Variants in ABCB5 observed in about 807,000 individuals in gnomAD.
ABCB5 encodes ATP binding cassette subfamily B member 5.
ABCB5 carries 155 observed loss-of-function variants against 144.2 expected under a neutral mutation model. That is an observed-to-expected ratio of 1.08 (90% CI 0.94 to 1.23). The LOEUF (loss-of-function observed/expected upper bound fraction) is 1.23. Among genes scored for constraint, ABCB5 ranks in the 50% most tolerant of loss-of-function variants. ABCB5 has a pLI of 0.00. For missense variants in ABCB5, 1,830 were observed against 1,520.8 expected (o/e 1.20, Z -3.38); for synonymous variants, 610 against 528.6 (o/e 1.15, Z -2.11).
intron 23 of ABCB5, 108 bp downstream of exon 23, chr7:20,728,563 G>T: frequency 7.8e-7 from 1 of 1,275,948 alleles, no homozygotes; most frequent in South Asian, 1.6e-5. Context: ...AGATCAGCCT[G>T]ACCAACATAA....
chr7:20,699,447 T>C (rs545060017), intron 17 of ABCB5, among the ~76,000 whole-genome samples: 69 of 152,350 alleles, frequency 4.5e-4, no homozygotes, highest in African/African-American at 1.6e-3. Flanking sequence ...ACGCCTGTAA[T>C]CCCAGCACTT....
chr7:20,721,338 C>T (rs1424612033), intron 20 of ABCB5, among the ~76,000 whole-genome samples: 1 of 152,058 alleles, frequency 6.6e-6, no homozygotes, highest in Non-Finnish European at 1.5e-5. Flanking sequence ...ATCTATTGTA[C>T]GGGACTAGTG....
chr7:20,719,739 A>C (rs562014663), intron 20 of ABCB5, among the ~76,000 whole-genome samples: 2 of 152,188 alleles, frequency 1.3e-5, no homozygotes, highest in Non-Finnish European at 2.9e-5. Context: ...CCATGGAGAG[A>C]TTAATCACAT....
At chr7:20,735,496 A>T (rs1295059961) in intron 23 of ABCB5, among the ~76,000 whole-genome samples, 1 of 152,214 alleles carries the variant, frequency 6.6e-6, no homozygotes, top group African/African-American at 2.4e-5. Context: ...ACACAAAACA[A>T]AGAAAACAGG....
rs375998363 is a variant in ABCB5 at position 20,629,778 on chromosome 7, G to T, written c.259+940G>T. ...ACTCCATCTCAAAGAAAAAAAAGAA[G>T]GAGAAGGAGAAGAAGAAGAAGAAGA... On this transcript the variant is annotated intron_variant, in intron 4 of 27. Transcript: ENST00000404938. 1.9e-4 allele frequency among the ~76,000 whole-genome samples: 28 copies of T among 150,276 alleles called. No homozygotes were observed. The Admixed American group carries it at 1.9e-3, about 10-fold the overall frequency.
chr7:20,651,218 T>C (rs75047349), intron 12 of ABCB5, among the ~76,000 whole-genome samples: 15,444 of 152,268 alleles, frequency 0.1, 946 homozygotes, highest in Non-Finnish European at 0.13. Context: ...AGGCCAATTA[T>C]TCTTTTGCAG....
chr7:20,651,544 G>A lies in ABCB5; in HGVS notation c.1457G>A (p.Arg486Gln), dbSNP rs151326874. The change falls in exon 13 of 28, where the codon CGA (arginine) becomes CAA (glutamine). Residue 486 changes from arginine (R) to glutamine (Q), a missense_variant. By Grantham distance (43) the Arg-to-Gln change is conservative (BLOSUM62 1). Coordinates refer to ENST00000404938, the MANE Select transcript of ABCB5 (RefSeq NM_001163941.2). Reference sequence around the variant, plus strand: ...ATCAGTAACAATATCAAGTATGGACGAGATGATGTGACTGATGAAGAGATG... The same window carrying A: ...ATCAGTAACAATATCAAGTATGGACAAGATGATGTGACTGATGAAGAGATG... ...TTISNNIKYGRDDVTDEEMER... is the reference protein window; with the variant it reads ...TTISNNIKYGQDDVTDEEMER... 4,488 of 1,614,062 alleles carry A rather than the reference G, an allele frequency of 2.8e-3. 8 individuals are homozygous for A. The highest frequency in any genetic ancestry group is 3.6e-3 in the Non-Finnish European group (4,189 of 1,179,992).
At chr7:20,695,215 A>G (rs1245109581) in intron 16 of ABCB5, among the ~76,000 whole-genome samples, 1 of 152,006 alleles carries the variant, frequency 6.6e-6, no homozygotes, top group African/African-American at 2.4e-5. Context: ...ATGGCATACA[A>G]ATAGACAAAT....
At chr7:20,669,175 A>G (rs1278140319) in intron 14 of ABCB5, among the ~76,000 whole-genome samples, 3 of 147,908 alleles carry the variant, frequency 2.0e-5, no homozygotes, top group African/African-American at 7.6e-5. Flanking sequence ...GGCCGCCCCT[A>G]CTGGGAAGTG....
At chr7:20,642,911 T>C (rs1408100527) in intron 5 of ABCB5, among the ~76,000 whole-genome samples, 1 of 152,192 alleles carries the variant, frequency 6.6e-6, no homozygotes, top group Non-Finnish European at 1.5e-5. Context: ...CTTTTTCATA[T>C]GAAAGTATTA....
chr7:20,667,910 A>G (rs1468349484), intron 14 of ABCB5, among the ~76,000 whole-genome samples: 34 of 137,174 alleles, frequency 2.5e-4, no homozygotes, highest in African/African-American at 8.9e-4. Context: ...TTTTTGGTGG[A>G]GACGGGGTTT....
In ABCB5 at chr7:20,634,238, T is replaced by TTGTGTGTGTGTG. The variant is rs10688708; in HGVS notation, c.314+2147_314+2158dup. On this transcript the variant is annotated intron_variant, in intron 5 of 27. Coordinates refer to ENST00000404938, the MANE Select transcript of ABCB5 (RefSeq NM_001163941.2). The stretch of plus-strand genomic sequence containing the variant: ...TTTTATGGCTGACTAGTATTCCATG[T>TTGTGTGTGTGTG]TGTGTGTGTGTGTGTGTGTGTGTGT... Among the ~76,000 whole-genome samples, 409 of 140,532 alleles carry TTGTGTGTGTGTG rather than the reference T, an allele frequency of 2.9e-3. 4 individuals carry two copies. The highest frequency in any genetic ancestry group is 0.01 in the African/African-American group (381 of 37,756). 92.2% of individuals were successfully genotyped at this position (140,532 alleles called of 152,430 possible).
chr7:20,673,497 T>C (rs1157137915), intron 14 of ABCB5, among the ~76,000 whole-genome samples: 2 of 152,120 alleles, frequency 1.3e-5, no homozygotes, highest in African/African-American at 4.8e-5. Context: ...AATCGAGCCC[T>C]TATTCATTAG....
chr7:20,729,086 G>T (rs963551972), intron 23 of ABCB5, among the ~76,000 whole-genome samples: 3 of 152,042 alleles, frequency 2.0e-5, no homozygotes, highest in Non-Finnish European at 4.4e-5. Context: ...TATATTTATG[G>T]GGTACAATGG....
intron 14 of ABCB5, among the ~76,000 whole-genome samples, chr7:20,665,999 G>A (rs1451614335): frequency 6.6e-6 from 1 of 151,330 alleles, no homozygotes; most frequent in Non-Finnish European, 1.5e-5. Context: ...GAGAAACCCT[G>A]TCTCTATTAA....
intron 14 of ABCB5, among the ~76,000 whole-genome samples, chr7:20,663,332 G>A (rs895140505): frequency 6.6e-6 from 1 of 152,150 alleles, no homozygotes; most frequent in Non-Finnish European, 1.5e-5. Context: ...GCCAAAAGGT[G>A]AAAACAATCC....
rs79135485 is a variant in ABCB5, at chr7:20,737,371, G to A, written c.2868-1612G>A. On this transcript the variant is annotated intron_variant, in intron 23 of 27. Coordinates refer to ENST00000404938, the MANE Select transcript of ABCB5 (RefSeq NM_001163941.2). ...CTTCTCTAACTGAACCCTTTCTTCC[G>A]GCTCCATTCTCCATCCTTTGGGTCA... Among the ~76,000 whole-genome samples the A allele has an allele frequency of 1.8e-4, 27 of 151,976 alleles. No individual in the cohort carries two copies. In the East Asian group the frequency reaches 5.0e-3, roughly 28 times the overall value.
intron 16 of ABCB5, among the ~76,000 whole-genome samples, chr7:20,689,285 C>T (rs1786124199): frequency 6.6e-6 from 1 of 152,164 alleles, no homozygotes; most frequent in Non-Finnish European, 1.5e-5. Context: ...ATGGAAAGGG[C>T]ACAGCTGTGG....
intron 9 of ABCB5, 85 bp from the exon 10 acceptor site, chr7:20,647,450 C>T: frequency 3.5e-6 from 5 of 1,447,810 alleles, no homozygotes; most frequent in Non-Finnish European, 4.5e-6. Flanking sequence ...TCTCTGTGAG[C>T]CTAAACCAAT....
Sources: gnomAD v4.1 joint callset for allele counts (sites outside exome capture counted in the v4.1 genomes callset) on GRCh38, gnomAD v4.1.1 for gene constraint, MANE v1.5 for transcripts, NCBI Gene and HGNC (gene_info 2026-07-23, HGNC 2026-07-21) for gene names.